ADGRB3: variants seen among roughly 807,000 people sequenced by gnomAD.
ADGRB3 encodes brain-specific angiogenesis inhibitor 3.
A neutral mutation model predicts 193.4 loss-of-function variants in ADGRB3; 37 were observed. That is an observed-to-expected ratio of 0.19 (90% CI 0.15 to 0.25). The LOEUF is 0.25. ADGRB3 is among the 10% of genes least tolerant of loss of function. The pLI, the probability that ADGRB3 is intolerant of heterozygous loss-of-function variation, is 1.00. For missense variants in ADGRB3, 1,637 were observed against 1,852.9 expected (o/e 0.88, Z 2.14); for synonymous variants, 690 against 644.2 (o/e 1.07, Z -1.08).
intron 11 of ADGRB3, 51 bp downstream of exon 11, chr6:68,994,013 T>G (rs1227511867): frequency 6.3e-7 from 1 of 1,580,900 alleles, no homozygotes; most frequent in Non-Finnish European, 8.6e-7. Flanking sequence ...TGCAATCAGT[T>G]TTTGGTCCCA....
chr6:68,778,037 G>A (rs1766782779), intron 3 of ADGRB3, among the ~76,000 whole-genome samples: 1 of 152,068 alleles, frequency 6.6e-6, no homozygotes, highest in African/African-American at 2.4e-5. Flanking sequence ...TACAAATGTT[G>A]ACTCTACTTA....
intron 17 of ADGRB3, among the ~76,000 whole-genome samples, chr6:69,099,321 AAG>A (rs1772969025): frequency 6.6e-6 from 1 of 152,238 alleles, no homozygotes; most frequent in South Asian, 2.1e-4. Context: ...CACATTGACT[AAG>A]AGAGTATCAG....
intron 10 of ADGRB3, among the ~76,000 whole-genome samples, chr6:68,991,008 G>T (rs1562112874): frequency 1.3e-5 from 2 of 152,072 alleles, no homozygotes; most frequent in African/African-American, 4.8e-5. Flanking sequence ...TGCATATCCT[G>T]AGACACCCCT....
At chr6:69,185,820 C>T (rs1160726969) in intron 17 of ADGRB3, among the ~76,000 whole-genome samples, 1 of 152,170 alleles carries the variant, frequency 6.6e-6, no homozygotes, top group Non-Finnish European at 1.5e-5. Context: ...AATTCCCAAA[C>T]ATTAAATGAC....
chr6:68,788,853 A>G (rs1365358101), intron 3 of ADGRB3, among the ~76,000 whole-genome samples: 1 of 152,210 alleles, frequency 6.6e-6, no homozygotes, highest in African/African-American at 2.4e-5. Flanking sequence ...TTGGGTGCAT[A>G]TACATATAGG....
chr6:69,022,047 A>C (rs1188778556), intron 13 of ADGRB3, among the ~76,000 whole-genome samples: 2 of 151,854 alleles, frequency 1.3e-5, no homozygotes, highest in Non-Finnish European at 3.0e-5. Flanking sequence ...TATAATATTT[A>C]GTTTTCATTT....
intron 3 of ADGRB3, among the ~76,000 whole-genome samples, chr6:68,662,205 C>T (rs1488021373): frequency 6.6e-6 from 1 of 151,630 alleles, no homozygotes; most frequent in Non-Finnish European, 1.5e-5. Context: ...GGATTTACCA[C>T]ATAACAAATT....
chr6:68,645,699 T>C (rs1175910170), intron 3 of ADGRB3, among the ~76,000 whole-genome samples: 1 of 152,034 alleles, frequency 6.6e-6, no homozygotes, highest in Non-Finnish European at 1.5e-5. Flanking sequence ...TGAGACGGAG[T>C]TGCATTCTTG....
intron 13 of ADGRB3, among the ~76,000 whole-genome samples, chr6:69,031,257 G>A (rs1770673490): frequency 6.6e-6 from 1 of 150,966 alleles, no homozygotes; most frequent in South Asian, 2.1e-4. Context: ...TGGCTAACAC[G>A]GTGAAACCCA....
chr6:69,377,191 T>G (rs1343703340), intron 30 of ADGRB3, among the ~76,000 whole-genome samples: 1 of 152,008 alleles, frequency 6.6e-6, no homozygotes, highest in Non-Finnish European at 1.5e-5. Context: ...AACAACCTAC[T>G]CTGGAGAGAG....
intron 17 of ADGRB3, among the ~76,000 whole-genome samples, chr6:69,193,446 G>A (rs1561948239): frequency 1.3e-5 from 2 of 151,970 alleles, no homozygotes; most frequent in African/African-American, 2.4e-5. Flanking sequence ...GATGTGCTTC[G>A]GCATCTATAC....
At chr6:68,959,908 G>A (rs1382884468) in intron 8 of ADGRB3, among the ~76,000 whole-genome samples, 1 of 152,068 alleles carries the variant, frequency 6.6e-6, no homozygotes, top group Non-Finnish European at 1.5e-5. Flanking sequence ...AGGCTTTGAA[G>A]GTTAAAATGG....
intron 17 of ADGRB3, among the ~76,000 whole-genome samples, chr6:69,088,308 G>A (rs1211611875): frequency 6.6e-6 from 1 of 152,094 alleles, no homozygotes; most frequent in Non-Finnish European, 1.5e-5. Context: ...CACAATTTCT[G>A]AGTTGATAGG....
At position 69,071,478 on chromosome 6, in the gene ADGRB3, G is replaced by T. The variant is rs1443254470; in HGVS notation, c.2437-4517G>T. 7.9e-5 allele frequency among the ~76,000 whole-genome samples: 12 copies of T among 152,278 alleles called. No homozygotes were observed. The East Asian group carries it at 2.3e-3, about 29-fold the overall frequency. ...GAGAGAAGTAAAAGAAAATAGTGAA[G>T]TCACTCAAGAGTGGTATGTAGAACA... On this transcript the variant is annotated intron_variant, in intron 16 of 31. Coordinates refer to ENST00000370598, the MANE Select transcript of ADGRB3 (RefSeq NM_001704.3).
At chr6:69,254,704 T>C (rs1766712796) in intron 20 of ADGRB3, among the ~76,000 whole-genome samples, 2 of 151,886 alleles carry the variant, frequency 1.3e-5, no homozygotes, top group African/African-American at 4.8e-5. Context: ...TTTCTTTTTT[T>C]TTTCTTTTTT....
At chr6:69,078,025 A>T (rs1035086286) in intron 17 of ADGRB3, among the ~76,000 whole-genome samples, 1 of 151,972 alleles carries the variant, frequency 6.6e-6, no homozygotes, top group Admixed American at 6.6e-5. Context: ...GACTATATTT[A>T]TATATACACA....
At chr6:68,945,294 G>A (rs558665634) in intron 6 of ADGRB3, among the ~76,000 whole-genome samples, 1 of 152,100 alleles carries the variant, frequency 6.6e-6, no homozygotes, top group Non-Finnish European at 1.5e-5. Flanking sequence ...TGAATTATGA[G>A]TGTAACTTAT....
intron 17 of ADGRB3, among the ~76,000 whole-genome samples, chr6:69,229,880 A>G (rs899076355): frequency 3.3e-5 from 5 of 152,232 alleles, no homozygotes; most frequent in African/African-American, 1.2e-4. Context: ...AGTAAATATT[A>G]AGCTAGAAAG....
intron 3 of ADGRB3, among the ~76,000 whole-genome samples, chr6:68,923,931 G>T (rs1352739675): frequency 2.6e-5 from 4 of 152,058 alleles, no homozygotes; most frequent in Non-Finnish European, 4.4e-5. Context: ...ACAATTGTAT[G>T]CTGTAAGAGT....
Sources: allele counts gnomAD v4.1 joint callset (sites outside exome capture counted in the v4.1 genomes callset), GRCh38; gene constraint gnomAD v4.1.1; transcripts MANE v1.5; gene names NCBI Gene and HGNC (gene_info 2026-07-23, HGNC 2026-07-21).